ZNHIT3: variants seen among roughly 807,000 people sequenced by gnomAD.
ZNHIT3 encodes the protein zinc finger HIT domain-containing protein 3.
In ZNHIT3, 27 loss-of-function variants were observed where a neutral mutation model predicts 19.9. That is an observed-to-expected ratio of 1.36 (90% CI 1.00 to 1.87). The LOEUF (loss-of-function observed/expected upper bound fraction) is 1.87. ZNHIT3 is among the 40% of genes most tolerant of loss of function. ZNHIT3 has a pLI of 0.00. For synonymous variants in ZNHIT3, 81 were observed against 65.7 expected, an observed-to-expected ratio of 1.23 and a Z score of -1.13; for missense variants, 215 against 185.6, an observed-to-expected ratio of 1.16 and a Z score of -0.92.
At chr17:36,492,743 C>T in intron 2 of ZNHIT3, 70 bp from the exon 3 acceptor site, 3 of 1,404,768 alleles carry the variant, frequency 2.1e-6, no homozygotes, top group Non-Finnish European at 3.0e-6. Flanking sequence ...TAGATGCTAC[C>T]TTGGTAGGGA....
chr17:36,497,845 A>G (rs2142663518), downstream of ZNHIT3: 1 of 165,334 alleles, frequency 6.0e-6, no homozygotes, highest in African/African-American at 2.4e-5. Flanking sequence ...TCGACTTCCC[A>G]AAGTACTGGG....
At position 36,495,770 on chromosome 17, in the gene ZNHIT3, ATAATT is replaced by A. The variant is rs1469392684; in HGVS notation, c.*372_*376del. ...GATTCTACTGTACATTGCATTATTC[ATAATT>A]TAATTGTTTGAAATTACATTAAATA... On this transcript the variant is annotated 3_prime_UTR_variant, in exon 5 of 5. Coordinates refer to ENST00000617429, the MANE Select transcript of ZNHIT3 (RefSeq NM_004773.4). The A allele has an allele frequency of 7.9e-5, 98 of 1,240,980 alleles. No individual in the cohort carries two copies. The East Asian group carries it at 1.1e-3, about 14-fold the overall frequency. The allele number at this position is 1,240,980 out of a possible 1,614,324, so 76.9% of individuals were successfully genotyped here.
chr17:36,495,281 C>T lies in ZNHIT3; in HGVS notation c.345C>T (p.Val115=), dbSNP rs766669123. 9.9e-6 allele frequency: 16 copies of T among 1,613,392 alleles called. No individual in the cohort carries two copies. Among genetic ancestry groups the T allele is most frequent in the Non-Finnish European group, 1.4e-5 (16 of 1,179,888 alleles). ...ATCCACACCTCAGGCAGTTGATGGT[C>T]AACCTCGATCAGGGAGAAGACAAAG... ...LLNPHLRQLM[V]NLDQGEDKAK... Residue 115 remains valine (V), a synonymous_variant, in exon 5 of 5, where the codon GTC becomes GTT. Transcript: ENST00000617429.
At chr17:36,497,624 AC>A, downstream of ZNHIT3, 2 of 866,762 alleles carry the variant, frequency 2.3e-6, no homozygotes, top group African/African-American at 1.8e-5. Context: ...TCGTCCTGTC[AC>A]CCAGGCTGGA....
At chr17:36,498,677 T>G, downstream of ZNHIT3, 1 of 1,234,318 alleles carries the variant, frequency 8.1e-7, no homozygotes, top group South Asian at 1.6e-5. Flanking sequence ...GGCACCTGGT[T>G]GCAAACAGCT....
At chr17:36,496,031 G>GTAAC, downstream of ZNHIT3, 1 of 781,286 alleles carries the variant, frequency 1.3e-6, no homozygotes, top group Non-Finnish European at 1.9e-6. Flanking sequence ...CCCTGATTTG[G>GTAAC]TAACTACCAG....
intron 4 of ZNHIT3, 53 bp from the exon 5 acceptor site, chr17:36,495,170 T>C: frequency 6.6e-7 from 1 of 1,523,612 alleles, no homozygotes; most frequent in South Asian, 1.3e-5. Flanking sequence ...TTCAGCCATC[T>C]CCATGTGTTT....
In ZNHIT3 at chr17:36,495,458, T is replaced by A. The variant is rs2070889989; in HGVS notation, c.*54T>A. The A allele has an allele frequency of 6.6e-7, 1 of 1,503,866 alleles. No homozygotes were observed. The highest frequency in any genetic ancestry group is 1.4e-5 in the South Asian group (1 of 72,684). The allele number at this position is 1,503,866 out of a possible 1,614,324, so 93.2% of individuals were successfully genotyped here. A position where few individuals can be genotyped will look rare whatever the true frequency, so the allele number is the denominator to read the frequency against. On this transcript the variant is annotated 3_prime_UTR_variant, in exon 5 of 5. Transcript: ENST00000617429. ...GTGTGCTTGACTCCTGGAACCTGCC[T>A]GCTCCCTCTCCCAGACCAGCTAGTT...
chr17:36,488,361 A>C (rs746044188), intron 2 of ZNHIT3, among the ~76,000 whole-genome samples: 1 of 152,040 alleles, frequency 6.6e-6, no homozygotes, highest in African/African-American at 2.4e-5. Flanking sequence ...CCTGGCCAAC[A>C]TTATGAAACC....
downstream of ZNHIT3, chr17:36,498,933 T>C (rs73276752): frequency 1.4e-3 from 903 of 658,558 alleles, 12 homozygotes; most frequent in African/African-American, 0.015. Context: ...ACTGCATACA[T>C]GAGGAATATG....
chr17:36,487,325 A>G (rs1373619039), intron 2 of ZNHIT3, among the ~76,000 whole-genome samples: 4 of 152,160 alleles, frequency 2.6e-5, no homozygotes, highest in Admixed American at 2.0e-4. Flanking sequence ...GCCCCTCACC[A>G]TTTGGCTGAA....
At chr17:36,495,195 A>T (rs749764164) in intron 4 of ZNHIT3, 28 bp from the exon 5 acceptor site, 4 of 1,543,050 alleles carry the variant, frequency 2.6e-6, no homozygotes, top group Non-Finnish European at 2.6e-6. Context: ...TTGAACTCAG[A>T]CTGGCTTTTT....
downstream of ZNHIT3, chr17:36,497,698 C>G (rs2071125804): frequency 3.9e-6 from 1 of 256,036 alleles, no homozygotes; most frequent in African/African-American, 2.3e-5. Context: ...AATTCTCATG[C>G]CTCAGCCTCC....
At chr17:36,494,160 C>T (rs1444470792) in intron 4 of ZNHIT3, among the ~76,000 whole-genome samples, 154 bp downstream of exon 4, 1 of 152,182 alleles carries the variant, frequency 6.6e-6, no homozygotes, top group Non-Finnish European at 1.5e-5. Context: ...GGGTTTCACA[C>T]CTCCCAGCCT....
At chr17:36,487,015 C>T in intron 2 of ZNHIT3, 49 bp downstream of exon 2, 2 of 1,601,844 alleles carry the variant, frequency 1.2e-6, no homozygotes, top group Non-Finnish European at 1.7e-6. Context: ...CGGGGCAGCC[C>T]CCACGTCCAG....
At chr17:36,498,464 C>A (rs1381318338), downstream of ZNHIT3, 15 of 1,614,014 alleles carry the variant, frequency 9.3e-6, no homozygotes, top group Middle Eastern at 1.6e-4. Context: ...GGAGCCTGGT[C>A]TGCAGCGGCG....
At chr17:36,490,123 C>T (rs1464872136) in intron 2 of ZNHIT3, 1 of 151,844 alleles carries the variant, frequency 6.6e-6, no homozygotes, top group Non-Finnish European at 1.5e-5. Context: ...GCTTTTCTTG[C>T]CTGTGTTTTT....
downstream of ZNHIT3, chr17:36,496,103 G>A (rs990690753): frequency 1.7e-5 from 19 of 1,123,512 alleles, no homozygotes; most frequent in African/African-American, 4.6e-5. Context: ...CACTGGGCAC[G>A]GGGCTCTGGG....
chr17:36,495,914 A>G (rs983881850), downstream of ZNHIT3: 5 of 1,168,794 alleles, frequency 4.3e-6, no homozygotes, highest in Admixed American at 4.1e-5. Flanking sequence ...GTTTTCTTCC[A>G]AAAGTGCTTA....
Sources: allele counts gnomAD v4.1 joint callset (sites outside exome capture counted in the v4.1 genomes callset), GRCh38; gene constraint gnomAD v4.1.1; transcripts MANE v1.5; gene names NCBI Gene and HGNC (gene_info 2026-07-23, HGNC 2026-07-21).